The following CA10 variants were observed in gnomAD, a reference collection of about 807,000 sequenced individuals.
The protein encoded by CA10 is carbonic anhydrase 10 (inactive).
A neutral mutation model predicts 44.2 loss-of-function variants in CA10; 14 were observed. That is an observed-to-expected ratio of 0.32 (90% CI 0.21 to 0.50). The LOEUF (loss-of-function observed/expected upper bound fraction) is 0.50, where lower values mean the gene tolerates loss of function less well. Among genes scored for constraint, CA10 ranks in the 20% least tolerant of loss-of-function variants. The pLI, the probability that CA10 is intolerant of heterozygous loss-of-function variation, is 0.99. For missense variants in CA10, 350 were observed against 409.7 expected, an observed-to-expected ratio of 0.85 and a Z score of 1.26; for synonymous variants, 159 against 141.6, an observed-to-expected ratio of 1.12 and a Z score of -0.87.
rs183524152 is a variant in CA10 at position 52,145,800 on chromosome 17, C to T, written c.61+11926G>A. 1.3e-3 allele frequency among the ~76,000 whole-genome samples: 200 copies of T among 152,176 alleles called. 1 individual carries two copies. The highest frequency in any genetic ancestry group is 4.7e-3 in the African/African-American group (194 of 41,532). ...AGGAATTCAAGCACATTACTAGAGC[C>T]TCATAAACAGGTTATACATTACTTT... On this transcript the variant is annotated intron_variant, in intron 1 of 8. Coordinates refer to ENST00000451037, the MANE Select transcript of CA10 (RefSeq NM_020178.5).
intron 3 of CA10, among the ~76,000 whole-genome samples, chr17:51,883,463 T>C (rs1980465274): frequency 6.6e-6 from 1 of 152,224 alleles, no homozygotes; most frequent in South Asian, 2.1e-4. Context: ...CATGAATATA[T>C]GCTAATGATC....
chr17:51,754,304 G>A (rs1904999540), intron 3 of CA10, among the ~76,000 whole-genome samples: 1 of 149,042 alleles, frequency 6.7e-6, no homozygotes, highest in East Asian at 2.0e-4. Flanking sequence ...GTGTGTGTGT[G>A]TGTGTGTGTG....
intron 1 of CA10, among the ~76,000 whole-genome samples, chr17:52,132,365 G>A (rs1405765834): frequency 6.6e-6 from 1 of 152,034 alleles, no homozygotes; most frequent in African/African-American, 2.4e-5. Flanking sequence ...TAAAGCACAT[G>A]GGGGGCTAAG....
chr17:51,995,003 T>C (rs1985179572), intron 2 of CA10, among the ~76,000 whole-genome samples: 1 of 152,084 alleles, frequency 6.6e-6, no homozygotes, highest in African/African-American at 2.4e-5. Context: ...ATTTTCCTTT[T>C]CTATAGGTCT....
intron 1 of CA10, among the ~76,000 whole-genome samples, chr17:52,115,217 GC>G (rs934577692): frequency 6.6e-6 from 1 of 152,120 alleles, no homozygotes; most frequent in African/African-American, 2.4e-5. Context: ...TTCTTTCTTT[GC>G]TGAGAGATTT....
chr17:52,006,992 G>A (rs1483075097), intron 2 of CA10, among the ~76,000 whole-genome samples: 1 of 151,556 alleles, frequency 6.6e-6, no homozygotes, highest in Non-Finnish European at 1.5e-5. Flanking sequence ...CACATATTAT[G>A]TACATAGTTA....
intron 2 of CA10, among the ~76,000 whole-genome samples, chr17:52,059,869 T>C (rs1987334679): frequency 6.6e-6 from 1 of 152,164 alleles, no homozygotes; most frequent in Non-Finnish European, 1.5e-5. Context: ...TACAATTTTG[T>C]AGCAAAACAA....
chr17:52,026,735 G>A (rs1753475034), intron 2 of CA10, among the ~76,000 whole-genome samples: 1 of 152,064 alleles, frequency 6.6e-6, no homozygotes, highest in Non-Finnish European at 1.5e-5. Context: ...ACTATTATGA[G>A]AACAGCAGCA....
chr17:52,148,112 G>A (rs2143403296), intron 1 of CA10, among the ~76,000 whole-genome samples: 1 of 152,270 alleles, frequency 6.6e-6, no homozygotes, highest in Admixed American at 6.5e-5. Flanking sequence ...TCTGACACAA[G>A]ACTGAAAACA....
chr17:51,821,005 C>T (rs1379578696), intron 3 of CA10, among the ~76,000 whole-genome samples: 1 of 147,876 alleles, frequency 6.8e-6, no homozygotes, highest in East Asian at 2.0e-4. Flanking sequence ...AAGATCCATG[C>T]TCCCTCCCTC....
At chr17:51,872,078 A>C (rs1979843617) in intron 3 of CA10, among the ~76,000 whole-genome samples, 1 of 152,236 alleles carries the variant, frequency 6.6e-6, no homozygotes, top group South Asian at 2.1e-4. Context: ...TGGGAAAAGC[A>C]TACCCAGGTA....
chr17:52,062,472 T>A (rs1250359003), intron 2 of CA10, among the ~76,000 whole-genome samples: 2 of 152,166 alleles, frequency 1.3e-5, no homozygotes, highest in African/African-American at 4.8e-5. Context: ...GTCAAAAAAA[T>A]TGGAAAAAGG....
At chr17:51,657,656 C>A (rs536739729) in intron 4 of CA10, among the ~76,000 whole-genome samples, 1 of 152,286 alleles carries the variant, frequency 6.6e-6, no homozygotes, top group African/African-American at 2.4e-5. Context: ...AAATCTCAAC[C>A]ATATAAAGTC....
intron 1 of CA10, among the ~76,000 whole-genome samples, chr17:52,098,534 TAC>T (rs1444333239): frequency 6.6e-6 from 1 of 152,240 alleles, no homozygotes; most frequent in African/African-American, 2.4e-5. Flanking sequence ...AGTGTCACAC[TAC>T]AGACATGTAC....
intron 2 of CA10, among the ~76,000 whole-genome samples, chr17:52,024,192 A>G (rs1031078553): frequency 2.0e-5 from 3 of 152,154 alleles, no homozygotes; most frequent in Admixed American, 1.3e-4. Context: ...CAAAAGGATC[A>G]ATCTGATCTA....
At chr17:51,918,276 TA>T (rs1483513394) in intron 3 of CA10, among the ~76,000 whole-genome samples, 2 of 152,186 alleles carry the variant, frequency 1.3e-5, no homozygotes, top group Non-Finnish European at 2.9e-5. Flanking sequence ...CTACTTGGCT[TA>T]AAAGGAAGCA....
At chr17:51,917,504 G>T (rs560866553) in intron 3 of CA10, among the ~76,000 whole-genome samples, 1 of 152,324 alleles carries the variant, frequency 6.6e-6, no homozygotes, top group African/African-American at 2.4e-5. Flanking sequence ...ACGAAAAGAG[G>T]TTTAAGTGGC....
intron 1 of CA10, among the ~76,000 whole-genome samples, chr17:52,096,491 G>A (rs1271228510): frequency 6.6e-6 from 1 of 152,086 alleles, no homozygotes; most frequent in Admixed American, 6.6e-5. Context: ...TGGCTCTGAG[G>A]ACAGAGCGAA....
At chr17:52,078,468 A>G (rs1661439292) in intron 1 of CA10, among the ~76,000 whole-genome samples, 1 of 152,220 alleles carries the variant, frequency 6.6e-6, no homozygotes, top group Admixed American at 6.5e-5. Flanking sequence ...AGCCAGATAT[A>G]GAGGAGAGGC....
Sources: allele counts gnomAD v4.1 joint callset (sites outside exome capture counted in the v4.1 genomes callset), GRCh38; gene constraint gnomAD v4.1.1; transcripts MANE v1.5; gene names NCBI Gene and HGNC (gene_info 2026-07-23, HGNC 2026-07-21).